Variants in DYSF observed in about 807,000 individuals in gnomAD.
The protein encoded by DYSF is dystrophy-associated fer-1-like 1.
Under a neutral mutation model 274.9 loss-of-function variants are expected in DYSF, and 212 were observed. The observed-to-expected ratio is 0.77, with a 90% confidence interval of 0.69 to 0.86. DYSF has a LOEUF of 0.86. Among genes scored for constraint, DYSF ranks in the 40% least tolerant of loss-of-function variants. The pLI, the probability that DYSF is intolerant of heterozygous loss-of-function variation, is 0.00. For missense variants in DYSF, 2,666 were observed against 2,783.2 expected (o/e 0.96, Z 0.95); for synonymous variants, 1,091 against 1,078.7 (o/e 1.01, Z -0.22).
chr2:71,573,431 A>G (rs1219318662), intron 29 of DYSF, among the ~76,000 whole-genome samples: 6 of 152,098 alleles, frequency 3.9e-5, no homozygotes, highest in Non-Finnish European at 7.4e-5. Context: ...GTGTCTGACA[A>G]CAGTGCCAGG....
At position 71,552,944 on chromosome 2, in the gene DYSF, C is replaced by A. The variant is rs533481131; in HGVS notation, c.1807-67C>A. On this transcript the variant is annotated intron_variant, in intron 19 of 55. Coordinates refer to ENST00000410020, the MANE Select transcript of DYSF (RefSeq NM_001130987.2). ...TGGCCGGGGCCTGCCAGACGTATGT[C>A]CCCTCCCCAGCCTGGGTGCCTTTCT... The A allele has an allele frequency of 6.5e-5, 102 of 1,562,322 alleles. No homozygotes were observed. In the South Asian group the frequency reaches 1.1e-3, roughly 17 times the overall value.
Position 71,470,686 on chromosome 2 carries a change from A to G in DYSF, c.91+3753A>G, listed in dbSNP as rs1366858839. Among the ~76,000 whole-genome samples the G allele has an allele frequency of 6.6e-5, 10 of 150,392 alleles. No homozygotes were observed. In the East Asian group the frequency reaches 1.4e-3, roughly 21 times the overall value. ...GAGACTCCATCTCAAAAAAAAAAAA[A>G]AAAAAAAGAAAAGAGCTTTCTCTTC... On this transcript the variant is annotated intron_variant, in intron 1 of 55. Coordinates refer to ENST00000410020, the MANE Select transcript of DYSF (RefSeq NM_001130987.2).
chr2:71,544,260 G>C lies in DYSF; in HGVS notation c.1576+5021G>C, dbSNP rs1382960529. ...TCAGTGTTGGTATCTCTCACAGATA[G>C]GGTGTGTGGGTCTTTCTCTGTCCAT... is the stretch of plus-strand genomic sequence containing the variant. On this transcript the variant is annotated intron_variant, in intron 17 of 55. Transcript: ENST00000410020. 2.0e-5 allele frequency among the ~76,000 whole-genome samples: 3 copies of C among 152,056 alleles called. No homozygotes were observed. In the South Asian group the frequency reaches 6.2e-4, roughly 32 times the overall value.
chr2:71,586,831 A>C (rs1407278154), intron 30 of DYSF, among the ~76,000 whole-genome samples: 1 of 151,948 alleles, frequency 6.6e-6, no homozygotes, highest in Non-Finnish European at 1.5e-5. Context: ...CTCCCTCCCT[A>C]TGCTCACCCT....
At chr2:71,531,598 AG>A (rs1405325484) in intron 14 of DYSF, among the ~76,000 whole-genome samples, 1 of 151,814 alleles carries the variant, frequency 6.6e-6, no homozygotes, top group Non-Finnish European at 1.5e-5. Flanking sequence ...CACGTATCAA[AG>A]GACACAGACA....
chr2:71,614,070 G>A (rs1461676802), intron 40 of DYSF, among the ~76,000 whole-genome samples: 1 of 152,150 alleles, frequency 6.6e-6, no homozygotes, highest in African/African-American at 2.4e-5. Context: ...ATGGCAGGAG[G>A]TCTGTGGCAC....
intron 1 of DYSF, among the ~76,000 whole-genome samples, chr2:71,458,515 C>T (rs375856202): frequency 1.3e-5 from 2 of 152,136 alleles, no homozygotes; most frequent in African/African-American, 4.8e-5. Flanking sequence ...CCTTCTGAGG[C>T]GAAGTCATTT....
intron 16 of DYSF, among the ~76,000 whole-genome samples, chr2:71,537,589 A>T (rs1347619083): frequency 1.3e-5 from 2 of 152,144 alleles, no homozygotes; most frequent in African/African-American, 4.8e-5. Flanking sequence ...AATGATACAG[A>T]TCTGTCTGTG....
At chr2:71,674,747 T>C (rs1464621427) in intron 52 of DYSF, among the ~76,000 whole-genome samples, 1 of 151,984 alleles carries the variant, frequency 6.6e-6, no homozygotes, top group East Asian at 1.9e-4. Context: ...AGGGTTCTAG[T>C]GGGAAGGGCT....
Position 71,668,889 on chromosome 2 carries a change from C to T in DYSF, c.5546+47C>T, listed in dbSNP as rs199652750. 155 of 1,580,458 alleles carry T rather than the reference C, an allele frequency of 9.8e-5. 1 individual carries two copies. The East Asian group carries it at 2.6e-3, about 26-fold the overall frequency. On this transcript the variant is annotated intron_variant, in intron 49 of 55. Transcript: ENST00000410020. ...TCTGAGCTGGGCTGAGGGGTGGGGG[C>T]GTTGCAGCCTGCTGTGGGCGGGACT... is the stretch of plus-strand genomic sequence containing the variant.
At chr2:71,675,103 A>T (rs1215605444) in intron 52 of DYSF, among the ~76,000 whole-genome samples, 1 of 152,152 alleles carries the variant, frequency 6.6e-6, no homozygotes, top group Admixed American at 6.5e-5. Context: ...CATAATAGGC[A>T]AATCCATAGA....
chr2:71,512,045 GC>G, intron 5 of DYSF, 124 bp downstream of exon 5: 1 of 705,050 alleles, frequency 1.4e-6, no homozygotes, highest in Non-Finnish European at 2.6e-6. Context: ...GTTGGAGGCT[GC>G]CCAGGCCTGG....
At chr2:71,534,003 C>T (rs1273188253) in intron 14 of DYSF, among the ~76,000 whole-genome samples, 1 of 151,380 alleles carries the variant, frequency 6.6e-6, no homozygotes, top group Non-Finnish European at 1.5e-5. Context: ...AACACAAGGG[C>T]CAAATCCTGG....
rs139027823 is a variant in DYSF at position 71,591,175 on chromosome 2, C to A, written c.3574+887C>A. ...CCATGTCTGGCCTTTGCACTCAGTG[C>A]GCTCTCTGTCTAGAACACATTTGCT... On this transcript the variant is annotated intron_variant, in intron 32 of 55. Transcript: ENST00000410020. 2.3e-3 allele frequency among the ~76,000 whole-genome samples: 350 copies of A among 152,370 alleles called. 3 individuals carry two copies. Among genetic ancestry groups the A allele is most frequent in the African/African-American group, 7.7e-3 (322 of 41,592 alleles).
intron 32 of DYSF, among the ~76,000 whole-genome samples, chr2:71,596,366 C>T (rs894487842): frequency 5.9e-5 from 9 of 152,052 alleles, no homozygotes; most frequent in African/African-American, 1.9e-4. Flanking sequence ...GTCTGGGGCC[C>T]GCATGCTTAT....
At chr2:71,650,454 C>T (rs934415941) in intron 42 of DYSF, among the ~76,000 whole-genome samples, 17 of 151,960 alleles carry the variant, frequency 1.1e-4, no homozygotes, top group African/African-American at 3.9e-4. Context: ...GCACTCCAGC[C>T]TGGGTGACAG....
intron 3 of DYSF, among the ~76,000 whole-genome samples, chr2:71,497,185 A>G (rs1044891441): frequency 8.5e-5 from 13 of 152,220 alleles, no homozygotes; most frequent in Non-Finnish European, 7.3e-5. Context: ...ATTGCAACAG[A>G]AAAAGAGTTT....
intron 40 of DYSF, among the ~76,000 whole-genome samples, chr2:71,614,882 A>G (rs554071064): frequency 2.6e-5 from 4 of 152,112 alleles, no homozygotes; most frequent in Non-Finnish European, 5.9e-5. Context: ...AGATGTCCCT[A>G]TGTGAAATTT....
At chr2:71,671,245 A>C (rs919551474) in intron 51 of DYSF, among the ~76,000 whole-genome samples, 1 of 152,200 alleles carries the variant, frequency 6.6e-6, no homozygotes, top group Non-Finnish European at 1.5e-5. Context: ...AGAAAGCAGA[A>C]TTGAGCAACA....
Sources: allele counts gnomAD v4.1 joint callset (sites outside exome capture counted in the v4.1 genomes callset), GRCh38; gene constraint gnomAD v4.1.1; transcripts MANE v1.5; gene names NCBI Gene and HGNC (gene_info 2026-07-23, HGNC 2026-07-21).